Variants in ASCC3 observed in about 807,000 individuals in gnomAD.
ASCC3 encodes activating signal cointegrator 1 complex subunit 3.
ASCC3 carries 158 observed loss-of-function variants against 256.3 expected under a neutral mutation model. The ratio of observed to expected loss-of-function variants is 0.62; its 90% confidence interval spans 0.54 to 0.70. The LOEUF (loss-of-function observed/expected upper bound fraction) is 0.70. Ranked by LOEUF, ASCC3 falls within the 30% of genes least tolerant of loss-of-function variation. The probability of loss-of-function intolerance (pLI) is 0.00; values close to 1 mark genes in which losing one functional copy is unlikely to be tolerated. For missense variants in ASCC3, 2,259 were observed against 2,626.0 expected (o/e 0.86, Z 3.05); for synonymous variants, 948 against 883.4 (o/e 1.07, Z -1.30).
intron 21 of ASCC3, 152 bp from the exon 22 acceptor site, chr6:100,646,921 G>T: frequency 1.1e-6 from 1 of 899,186 alleles, no homozygotes; most frequent in Non-Finnish European, 1.7e-6. Flanking sequence ...TGGCATGTTT[G>T]AATATTTTGT....
intron 3 of ASCC3, among the ~76,000 whole-genome samples, chr6:100,863,065 C>G (rs1773303529): frequency 6.6e-6 from 1 of 152,164 alleles, no homozygotes; most frequent in Non-Finnish European, 1.5e-5. Context: ...CCAGATCATG[C>G]AAGACCAGAA....
At chr6:100,859,776 A>G (rs766192115) in intron 3 of ASCC3, among the ~76,000 whole-genome samples, 2 of 152,064 alleles carry the variant, frequency 1.3e-5, no homozygotes, top group Non-Finnish European at 2.9e-5. Context: ...AAACTCATAT[A>G]AATCAGGGCT....
intron 36 of ASCC3, among the ~76,000 whole-genome samples, chr6:100,584,002 T>C (rs1307175163): frequency 3.3e-5 from 5 of 152,162 alleles, no homozygotes; most frequent in Non-Finnish European, 5.9e-5. Context: ...GAGCTCTACT[T>C]CCAAGTATGT....
chr6:100,874,722 A>G (rs1301426428), intron 1 of ASCC3, among the ~76,000 whole-genome samples: 3 of 152,118 alleles, frequency 2.0e-5, no homozygotes, highest in African/African-American at 7.2e-5. Flanking sequence ...ATGGTTGGGA[A>G]GAAAGAAAAA....
chr6:100,619,259 A>C (rs240153), intron 30 of ASCC3, among the ~76,000 whole-genome samples: 87,325 of 151,940 alleles, frequency 0.57, 25,311 homozygotes, highest in East Asian at 0.73. Context: ...GCTTATTATC[A>C]AAAGGATTAA....
chr6:100,702,604 T>A (rs1778404622), intron 13 of ASCC3, among the ~76,000 whole-genome samples: 3 of 151,900 alleles, frequency 2.0e-5, no homozygotes, highest in Admixed American at 1.3e-4. Flanking sequence ...TTATAAAGGG[T>A]CTAAGGCCAC....
intron 36 of ASCC3, among the ~76,000 whole-genome samples, chr6:100,543,710 A>T (rs1775575137): frequency 6.6e-6 from 1 of 152,080 alleles, no homozygotes; most frequent in South Asian, 2.1e-4. Flanking sequence ...AAATCCATGA[A>T]AAAAAACTTG....
Position 100,518,789 on chromosome 6 carries a change from T to A in ASCC3, c.5776-647A>T, listed in dbSNP as rs1472285320. Among the ~76,000 whole-genome samples the A allele has an allele frequency of 2.0e-5, 3 of 152,294 alleles. No homozygotes were observed. In the East Asian group the frequency reaches 5.8e-4, roughly 29 times the overall value. On this transcript the variant is annotated intron_variant, in intron 37 of 41. Coordinates refer to ENST00000369162, the MANE Select transcript of ASCC3 (RefSeq NM_006828.4). ...GGCAAAACTAAACAGTGAAATCTTA[T>A]TTAAACAAAGGCGAAGTTTACACAG...
At chr6:100,729,027 T>A (rs1779770504) in intron 10 of ASCC3, among the ~76,000 whole-genome samples, 1 of 152,178 alleles carries the variant, frequency 6.6e-6, no homozygotes. Context: ...CTGAAACTTT[T>A]GACAAAGTTT....
chr6:100,582,763 CA>C (rs1303142710), intron 36 of ASCC3, among the ~76,000 whole-genome samples: 1 of 152,082 alleles, frequency 6.6e-6, no homozygotes, highest in African/African-American at 2.4e-5. Flanking sequence ...TATGCCCCAT[CA>C]ATACCTAATT....
Position 100,650,562 on chromosome 6 carries a change from T to C in ASCC3, c.3228A>G (p.Ile1076Met). Residue 1076 changes from isoleucine (I) to methionine (M), a missense_variant, in exon 20 of 42, where the codon ATA (isoleucine) becomes ATG (methionine). By Grantham distance (10) the Ile-to-Met change is conservative (BLOSUM62 1). Transcript: ENST00000369162. ...CCTGTGCAACATATGCAGAATCTGA[T>C]ATAAGGGAGAAACTGTCCATTTCTC... is the stretch of plus-strand genomic sequence containing the variant. ...SRGEMDSFSL[I>M]SDSAYVAQNA... 9 of 1,612,676 alleles carry C rather than the reference T, an allele frequency of 5.6e-6. No homozygotes were observed. The highest frequency in any genetic ancestry group is 1.3e-5 in the African/African-American group (1 of 74,970).
chr6:100,784,824 TAAAC>T (rs1028708613), intron 8 of ASCC3, among the ~76,000 whole-genome samples: 4 of 151,998 alleles, frequency 2.6e-5, no homozygotes, highest in African/African-American at 4.8e-5. Context: ...TTAGATAAAA[TAAAC>T]AAAAGGAGAA....
At chr6:100,510,852 A>G (rs1334981186) in intron 40 of ASCC3, among the ~76,000 whole-genome samples, 2 of 152,206 alleles carry the variant, frequency 1.3e-5, no homozygotes, top group Non-Finnish European at 1.5e-5. Context: ...GGCATAAAAT[A>G]TAGTAATAAT....
At chr6:100,640,451 C>T (rs1487455600) in intron 24 of ASCC3, among the ~76,000 whole-genome samples, 1 of 151,976 alleles carries the variant, frequency 6.6e-6, no homozygotes, top group Non-Finnish European at 1.5e-5. Context: ...GTAGTCAGAA[C>T]TCAGCTAATT....
chr6:100,551,045 C>G (rs1301584275), intron 36 of ASCC3, among the ~76,000 whole-genome samples: 1 of 151,930 alleles, frequency 6.6e-6, no homozygotes, highest in Non-Finnish European at 1.5e-5. Flanking sequence ...AAAATGTTAA[C>G]CCAGTGATGC....
At chr6:100,786,932 T>C (rs1440912271) in intron 8 of ASCC3, among the ~76,000 whole-genome samples, 1 of 152,150 alleles carries the variant, frequency 6.6e-6, no homozygotes, top group Non-Finnish European at 1.5e-5. Flanking sequence ...AAAATGGAAT[T>C]TAAATCTTTA....
intron 37 of ASCC3, among the ~76,000 whole-genome samples, chr6:100,536,056 C>A (rs765593708): frequency 3.3e-5 from 5 of 151,874 alleles, no homozygotes; most frequent in Admixed American, 2.0e-4. Context: ...AGTGACTGTG[C>A]GTGTAAATGT....
intron 3 of ASCC3, 98 bp downstream of exon 3, chr6:100,863,966 T>A: frequency 8.8e-7 from 1 of 1,136,806 alleles, no homozygotes; most frequent in Non-Finnish European, 1.2e-6. Flanking sequence ...GCCAGGAAAT[T>A]TTAGCTTTCC....
At chr6:100,740,020 T>C (rs1207988566) in intron 10 of ASCC3, among the ~76,000 whole-genome samples, 1 of 152,156 alleles carries the variant, frequency 6.6e-6, no homozygotes, top group East Asian at 1.9e-4. Flanking sequence ...TTAGTTGACA[T>C]ATTAGGCTGT....
Sources: allele counts gnomAD v4.1 joint callset (sites outside exome capture counted in the v4.1 genomes callset), GRCh38; gene constraint gnomAD v4.1.1; transcripts MANE v1.5; gene names NCBI Gene and HGNC (gene_info 2026-07-23, HGNC 2026-07-21).